LDLRAD4: variants seen among roughly 807,000 people sequenced by gnomAD.
The protein encoded by LDLRAD4 is low-density lipoprotein receptor class A domain-containing protein 4.
In LDLRAD4, 5 loss-of-function variants were observed where a neutral mutation model predicts 17.0. That is an observed-to-expected ratio of 0.29 (90% confidence interval 0.15 to 0.62). The LOEUF is 0.62. Among genes scored for constraint, LDLRAD4 ranks in the 20% least tolerant of loss-of-function variants. LDLRAD4 has a pLI of 0.84. For missense variants in LDLRAD4, 340 were observed against 424.7 expected, an observed-to-expected ratio of 0.80 and a Z score of 1.75; for synonymous variants, 168 against 171.8, an observed-to-expected ratio of 0.98 and a Z score of 0.17.
intron 1 of LDLRAD4, among the ~76,000 whole-genome samples, chr18:13,313,366 A>T (rs1162743649): frequency 6.6e-6 from 1 of 152,074 alleles, no homozygotes; most frequent in African/African-American, 2.4e-5. Context: ...CCTTCCCCAC[A>T]GCCCACTCAC....
At chr18:13,483,853 C>T (rs1473475094) in intron 3 of LDLRAD4, among the ~76,000 whole-genome samples, 1 of 152,154 alleles carries the variant, frequency 6.6e-6, no homozygotes, top group African/African-American at 2.4e-5. Flanking sequence ...CTGAGCCCCT[C>T]CTTCCTGGTC....
intron 1 of LDLRAD4, among the ~76,000 whole-genome samples, chr18:13,373,154 A>AGT (rs2084644711): frequency 2.2e-5 from 1 of 44,940 alleles, no homozygotes; most frequent in East Asian, 8.1e-4. Context: ...ACAACTGTTT[A>AGT]ATGTGTGTGT....
intron 2 of LDLRAD4, among the ~76,000 whole-genome samples, chr18:13,418,089 A>C (rs2089095159): frequency 1.3e-5 from 2 of 152,146 alleles, no homozygotes; most frequent in South Asian, 4.1e-4. Context: ...CTGCACCCGC[A>C]CTGAGCCCTG....
rs2087361888 is a variant in LDLRAD4, at chr18:13,402,937, A to G, written c.40+15175A>G. Among the ~76,000 whole-genome samples, 3 of 152,258 alleles carry G rather than the reference A, an allele frequency of 2.0e-5. No homozygotes were observed. The South Asian group carries it at 6.2e-4, about 31-fold the overall frequency. ...TTCACAATCAAAACTTAGAAACAAC[A>G]ATATTAAAACATTAAGCCAGTCTCC... On this transcript the variant is annotated intron_variant, in intron 2 of 5. Transcript: ENST00000359446.
rs1314022304 is a variant in LDLRAD4 at position 13,300,874 on chromosome 18, C to A, written c.-383+22686C>A. 1.3e-5 allele frequency among the ~76,000 whole-genome samples: 2 copies of A among 152,194 alleles called. No homozygotes were observed. The highest frequency in any genetic ancestry group is 4.8e-5 in the African/African-American group (2 of 41,450). ...GTGGGAAGGAAGGAAGGGTGGTGAA[C>A]TGGGAGCCGGCAGCGCGTCCCAGCG... On this transcript the variant is annotated intron_variant, in intron 1 of 5. Transcript: ENST00000359446. This position sits in a 1 kb window ranked among gnomAD's most constrained non-coding sequence, Gnocchi z 4.2.
At chr18:13,509,313 C>T (rs1156324216) in intron 3 of LDLRAD4, among the ~76,000 whole-genome samples, 5 of 152,184 alleles carry the variant, frequency 3.3e-5, no homozygotes, top group Non-Finnish European at 7.3e-5. Context: ...AACCCTGTCT[C>T]AAAGACAGCA....
At chr18:13,307,159 A>G (rs1254979063) in intron 1 of LDLRAD4, among the ~76,000 whole-genome samples, 1 of 152,188 alleles carries the variant, frequency 6.6e-6, no homozygotes, top group African/African-American at 2.4e-5. Flanking sequence ...TAAATGAAAA[A>G]GCAAAAAAGG....
At chr18:13,458,642 G>C (rs1375012738) in intron 3 of LDLRAD4, among the ~76,000 whole-genome samples, 1 of 152,196 alleles carries the variant, frequency 6.6e-6, no homozygotes, top group Non-Finnish European at 1.5e-5. Context: ...TACCTTACTA[G>C]CAAAAGGGAC....
chr18:13,482,862 G>C (rs966373750), intron 3 of LDLRAD4, among the ~76,000 whole-genome samples: 1 of 152,214 alleles, frequency 6.6e-6, no homozygotes, highest in African/African-American at 2.4e-5. Flanking sequence ...TCTGTCCTGG[G>C]CATGGAGACT....
At chr18:13,624,063 C>T (rs1035628555) in intron 4 of LDLRAD4, among the ~76,000 whole-genome samples, 2 of 152,216 alleles carry the variant, frequency 1.3e-5, no homozygotes, top group African/African-American at 2.4e-5. Flanking sequence ...AACAAAGACT[C>T]ATCTGTACAG....
At chr18:13,240,780 A>G (rs967214282) in intron 1 of LDLRAD4, 3 of 152,324 alleles carry the variant, frequency 2.0e-5, no homozygotes, top group South Asian at 2.1e-4. Context: ...CGCCTAGCAC[A>G]TAGTAGGTCT....
chr18:13,347,849 T>C (rs571287468), intron 1 of LDLRAD4, among the ~76,000 whole-genome samples: 64 of 152,366 alleles, frequency 4.2e-4, no homozygotes, highest in Middle Eastern at 3.4e-3. Flanking sequence ...TACCCTTTCT[T>C]CCAGTTGATC....
chr18:13,319,772 G>A (rs1358487100), intron 1 of LDLRAD4, among the ~76,000 whole-genome samples: 1 of 152,146 alleles, frequency 6.6e-6, no homozygotes, highest in Non-Finnish European at 1.5e-5. Flanking sequence ...CATGAAAAGG[G>A]CATTCCAGGG....
At chr18:13,578,100 A>C (rs1430680155) in intron 3 of LDLRAD4, among the ~76,000 whole-genome samples, 1 of 150,938 alleles carries the variant, frequency 6.6e-6, no homozygotes, top group Non-Finnish European at 1.5e-5. Context: ...AACCTTTGAG[A>C]ATCTGAAGCA....
chr18:13,259,981 G>T (rs1275358986), intron 1 of LDLRAD4, among the ~76,000 whole-genome samples: 2 of 152,242 alleles, frequency 1.3e-5, no homozygotes, highest in Non-Finnish European at 2.9e-5. Context: ...TGTGTGGTCT[G>T]TCCAGCCTCG....
intron 1 of LDLRAD4, among the ~76,000 whole-genome samples, chr18:13,298,344 G>A (rs1037847792): frequency 2.0e-5 from 3 of 151,772 alleles, no homozygotes; most frequent in African/African-American, 7.3e-5. Context: ...TGATGGACCT[G>A]CTCTAGGCAC....
chr18:13,492,713 C>T (rs973324997), intron 3 of LDLRAD4, among the ~76,000 whole-genome samples: 1 of 152,190 alleles, frequency 6.6e-6, no homozygotes, highest in African/African-American at 2.4e-5. Flanking sequence ...CTGGAAACTC[C>T]TGAGTCACCT....
intron 3 of LDLRAD4, chr18:13,611,753 A>G (rs1002770353): frequency 9.1e-6 from 9 of 985,340 alleles, no homozygotes; most frequent in African/African-American, 1.7e-5. Context: ...AGGCAGAGGG[A>G]GAGGGAATGA....
intron 3 of LDLRAD4, among the ~76,000 whole-genome samples, chr18:13,619,505 G>T (rs2040395544): frequency 7.4e-6 from 1 of 134,390 alleles, no homozygotes; most frequent in African/African-American, 2.7e-5. Context: ...TGTGGGTGGG[G>T]GGGTGGGGCC....
Sources: allele counts gnomAD v4.1 joint callset (sites outside exome capture counted in the v4.1 genomes callset), GRCh38; gene constraint gnomAD v4.1.1; non-coding constraint Gnocchi (gnomAD v3.1); transcripts MANE v1.5; gene names NCBI Gene and HGNC (gene_info 2026-07-23, HGNC 2026-07-21).